The following PRIM2 variants were observed in gnomAD, a reference collection of about 807,000 sequenced individuals.
PRIM2 encodes DNA primase subunit 2.
PRIM2 carries 39 observed loss-of-function variants against 67.3 expected under a neutral mutation model. The ratio of observed to expected loss-of-function variants is 0.58; its 90% confidence interval spans 0.45 to 0.76. The LOEUF is 0.76. PRIM2 is among the 30% of genes least tolerant of loss of function. PRIM2 has a pLI of 0.00. For missense variants in PRIM2, 398 were observed against 598.7 expected (o/e 0.66, Z 3.50); for synonymous variants, 143 against 198.7 (o/e 0.72, Z 2.36).
At chr6:57,645,748 A>G (rs2127503310) in intron 13 of PRIM2, among the ~76,000 whole-genome samples, 180 bp from the exon 14 acceptor site, 1 of 152,180 alleles carries the variant, frequency 6.6e-6, no homozygotes, top group East Asian at 1.9e-4. Flanking sequence ...AGGTTTGGGT[A>G]GTGGTTGAAG....
the PRIM2 span, among the ~76,000 whole-genome samples, chr6:57,243,008 C>G: frequency 6.6e-6 from 1 of 152,216 alleles, no homozygotes; most frequent in Non-Finnish European, 1.5e-5. Flanking sequence ...TATCAACTAT[C>G]AATATCATCT....
chr6:57,250,164 A>G, the PRIM2 span, among the ~76,000 whole-genome samples: 63 of 152,218 alleles, frequency 4.1e-4, no homozygotes, highest in Non-Finnish European at 8.1e-4. Flanking sequence ...CTGGTTTTTC[A>G]TTCCCTAAGT....
chr6:57,611,120 G>C (rs1261704474), intron 12 of PRIM2, among the ~76,000 whole-genome samples: 4,612 of 152,248 alleles, frequency 0.03, 233 homozygotes, highest in African/African-American at 0.1. Context: ...TAACTAGTAG[G>C]TCGAAGGATA....
chr6:57,311,374 CACTCCTCACTTCCCAGAGGGG>C (rs1767386795), upstream of PRIM2, among the ~76,000 whole-genome samples: 1 of 145,488 alleles, frequency 6.9e-6, no homozygotes, highest in African/African-American at 2.6e-5. Flanking sequence ...GGGGCAGAGG[CACTCCTCACTTCCCAGAGGGG>C]GCGGCCAGGC....
the PRIM2 span, among the ~76,000 whole-genome samples, chr6:57,247,313 G>A: frequency 1.3e-5 from 2 of 152,156 alleles, no homozygotes; most frequent in Non-Finnish European, 2.9e-5. Flanking sequence ...ATCATTTCTC[G>A]GGCCTAGATA....
intron 7 of PRIM2, among the ~76,000 whole-genome samples, chr6:57,465,829 TTATAA>T (rs1241097229): frequency 2.0e-5 from 3 of 150,886 alleles, no homozygotes; most frequent in African/African-American, 2.5e-5. Context: ...TTCTTTTTTT[TTATAA>T]TTATACTTAT....
the PRIM2 span, among the ~76,000 whole-genome samples, chr6:57,233,525 A>G: frequency 1.1e-4 from 16 of 152,132 alleles, no homozygotes; most frequent in East Asian, 2.1e-3. Flanking sequence ...CCCTCTCCGT[A>G]TGCACTTACC....
At chr6:57,358,695 A>G (rs1769107252) in intron 5 of PRIM2, among the ~76,000 whole-genome samples, 2 of 152,236 alleles carry the variant, frequency 1.3e-5, no homozygotes, top group Admixed American at 6.5e-5. Context: ...GAATATGCCA[A>G]TATTTCATAT....
chr6:57,375,314 A>G (rs1769725115), intron 5 of PRIM2, among the ~76,000 whole-genome samples: 1 of 152,212 alleles, frequency 6.6e-6, no homozygotes, highest in Admixed American at 6.5e-5. Context: ...TTCTGCATCT[A>G]TTGAGATAAT....
At chr6:57,608,013 T>A (rs1191522825) in intron 12 of PRIM2, among the ~76,000 whole-genome samples, 1 of 152,144 alleles carries the variant, frequency 6.6e-6, no homozygotes, top group Non-Finnish European at 1.5e-5. Context: ...ATTTTTTTTT[T>A]TTTCCCTGAA....
chr6:57,381,273 A>G (rs1344465625), intron 6 of PRIM2, among the ~76,000 whole-genome samples: 4 of 152,214 alleles, frequency 2.6e-5, no homozygotes, highest in East Asian at 1.9e-4. Flanking sequence ...GTATGCATTT[A>G]TATTTAATTC....
intron 5 of PRIM2, among the ~76,000 whole-genome samples, chr6:57,376,687 T>TAGGGTATC (rs1769776469): frequency 6.6e-6 from 1 of 152,222 alleles, no homozygotes; most frequent in Non-Finnish European, 1.5e-5. Context: ...GGTTGATGTT[T>TAGGGTATC]AGGGTATCTC....
the PRIM2 span, among the ~76,000 whole-genome samples, chr6:57,289,202 T>C: frequency 6.6e-6 from 1 of 152,002 alleles, no homozygotes. Context: ...AGAAAGGATA[T>C]CAGTGATCGA....
chr6:57,385,049 G>A (rs1387283761), intron 7 of PRIM2, among the ~76,000 whole-genome samples: 1 of 152,130 alleles, frequency 6.6e-6, no homozygotes, highest in Non-Finnish European at 1.5e-5. Flanking sequence ...GATATTCTAT[G>A]TATATTTGTG....
the PRIM2 span, among the ~76,000 whole-genome samples, chr6:57,234,002 G>A: frequency 4.6e-5 from 7 of 152,020 alleles, no homozygotes; most frequent in East Asian, 1.4e-3. Flanking sequence ...CAGAATTTTA[G>A]TGTGTACGAA....
intron 7 of PRIM2, among the ~76,000 whole-genome samples, chr6:57,433,941 T>G (rs1771923239): frequency 6.6e-6 from 1 of 151,296 alleles, no homozygotes; most frequent in African/African-American, 2.4e-5. Context: ...TTTTTTTTTT[T>G]GAGACAGAGT....
At chr6:57,301,800 C>A in the PRIM2 span, among the ~76,000 whole-genome samples, 1 of 151,986 alleles carries the variant, frequency 6.6e-6, no homozygotes, top group African/African-American at 2.4e-5. Flanking sequence ...CTAGCCTGGG[C>A]GACAGGGCAA....
At chr6:57,358,138 T>A (rs1769093275) in intron 5 of PRIM2, among the ~76,000 whole-genome samples, 1 of 152,214 alleles carries the variant, frequency 6.6e-6, no homozygotes, top group Admixed American at 6.5e-5. Flanking sequence ...TTTTGAATGT[T>A]TATTGTAAAG....
chr6:57,459,555 C>A (rs1772927320), intron 7 of PRIM2, among the ~76,000 whole-genome samples: 2 of 152,160 alleles, frequency 1.3e-5, no homozygotes, highest in Non-Finnish European at 2.9e-5. Flanking sequence ...CACACTACAA[C>A]ATACCTGGCT....
Sources: gnomAD v4.1 joint callset for allele counts (sites outside exome capture counted in the v4.1 genomes callset) on GRCh38, gnomAD v4.1.1 for gene constraint, MANE v1.5 for transcripts, NCBI Gene and HGNC (gene_info 2026-07-23, HGNC 2026-07-21) for gene names.